The following EMSY variants were observed in gnomAD, a reference collection of about 807,000 sequenced individuals.
EMSY encodes EMSY transcriptional repressor, BRCA2 interacting, also known as BRCA2-interacting transcriptional repressor EMSY.
A neutral mutation model predicts 134.6 loss-of-function variants in EMSY; 26 were observed. The observed-to-expected ratio is 0.19, with a 90% confidence interval of 0.14 to 0.27. The LOEUF (loss-of-function observed/expected upper bound fraction) is 0.27, where lower values mean the gene tolerates loss of function less well. Ranked by LOEUF, EMSY falls within the 10% of genes least tolerant of loss-of-function variation. The pLI, the probability that EMSY is intolerant of heterozygous loss-of-function variation, is 1.00. For synonymous variants in EMSY, 579 were observed against 577.8 expected (o/e 1.00, Z -0.03); for missense variants, 1,305 against 1,611.4 (o/e 0.81, Z 3.26).
chr11:76,539,184 G>A (rs1951339884), intron 16 of EMSY, among the ~76,000 whole-genome samples: 1 of 152,070 alleles, frequency 6.6e-6, no homozygotes, highest in Admixed American at 6.6e-5. Context: ...TTATTACTTT[G>A]AAATTTGAAA....
chr11:76,493,994 G>A (rs972078472), intron 8 of EMSY, among the ~76,000 whole-genome samples: 75 of 152,262 alleles, frequency 4.9e-4, no homozygotes, highest in African/African-American at 1.7e-3. Context: ...TGGTTCTGGT[G>A]TCTCCAAGCT....
At chr11:76,518,858 T>TTG (rs10691630) in intron 11 of EMSY, among the ~76,000 whole-genome samples, 94,344 of 142,840 alleles carry the variant, frequency 0.66, 31,777 homozygotes, top group Non-Finnish European at 0.74. Context: ...ATAGGCTGTC[T>TTG]TGTGTGTGTG....
At chr11:76,454,007 T>TAA (rs1947774430) in intron 4 of EMSY, 1 of 152,154 alleles carries the variant, frequency 6.6e-6, no homozygotes, top group African/African-American at 2.4e-5. Context: ...GATTAAGCCT[T>TAA]AATTGAGTAT....
chr11:76,544,489 C>T (rs374616501), exon 19 of EMSY: 4 of 1,613,990 alleles, frequency 2.5e-6, no homozygotes, highest in Admixed American at 1.7e-5. Flanking sequence ...AGCAGACCAT[C>T]CACCTGCAGG....
chr11:76,512,538 T>C (rs1950313595), intron 9 of EMSY, among the ~76,000 whole-genome samples: 1 of 152,076 alleles, frequency 6.6e-6, no homozygotes, highest in Non-Finnish European at 1.5e-5. Context: ...TTATATTTTA[T>C]TTTCACATTG....
At chr11:76,484,387 A>G (rs931147756) in intron 8 of EMSY, among the ~76,000 whole-genome samples, 1 of 152,214 alleles carries the variant, frequency 6.6e-6, no homozygotes, top group Non-Finnish European at 1.5e-5. Flanking sequence ...AGAAGTCAAG[A>G]AATAACTAAG....
At chr11:76,518,703 A>ATATATATATATTT (rs57143914) in intron 11 of EMSY, among the ~76,000 whole-genome samples, 13 of 130,204 alleles carry the variant, frequency 1.0e-4, no homozygotes, top group African/African-American at 2.3e-4. Context: ...ATATATATAT[A>ATATATATATATTT]TTTTTTTTTT....
chr11:76,475,394 T>C (rs556354076), intron 8 of EMSY, among the ~76,000 whole-genome samples: 2 of 152,352 alleles, frequency 1.3e-5, no homozygotes, highest in East Asian at 3.9e-4. Context: ...AGCTTCTAAT[T>C]TTCATTCTTA....
chr11:76,513,626 A>G, intron 10 of EMSY, 91 bp downstream of exon 11: 1 of 1,391,702 alleles, frequency 7.2e-7, no homozygotes. Context: ...CTTGGGATAT[A>G]GAGATTAATG....
chr11:76,526,097 A>G (rs1950837517), intron 12 of EMSY, among the ~76,000 whole-genome samples: 1 of 152,150 alleles, frequency 6.6e-6, no homozygotes. Flanking sequence ...AAGACTTATA[A>G]TCCCAATTCT....
At chr11:76,472,918 C>A in intron 8 of EMSY, 78 bp downstream of exon 9, 1 of 1,491,260 alleles carries the variant, frequency 6.7e-7, no homozygotes, top group South Asian at 1.2e-5. Context: ...GTATGTTTCT[C>A]TGCTTTGGAT....
At chr11:76,518,705 T>TATA (rs1406438858) in intron 11 of EMSY, among the ~76,000 whole-genome samples, 2,153 of 80,678 alleles carry the variant, frequency 0.027, 23 homozygotes, top group Non-Finnish European at 0.032. Context: ...ATATATATAT[T>TATA]TTTTTTTTAA....
chr11:76,545,865 C>A, exon 20 of EMSY: 1 of 1,614,106 alleles, frequency 6.2e-7, no homozygotes, highest in South Asian at 1.1e-5. Context: ...GCCAGCCTCC[C>A]ACAGTTACAA....
chr11:76,491,379 G>A (rs892970933), intron 8 of EMSY, among the ~76,000 whole-genome samples: 1 of 151,900 alleles, frequency 6.6e-6, no homozygotes, highest in East Asian at 1.9e-4. Flanking sequence ...ACAGGGTCTT[G>A]CTATGTTGAC....
intron 8 of EMSY, among the ~76,000 whole-genome samples, chr11:76,481,573 C>A (rs1040166451): frequency 4.6e-5 from 7 of 152,202 alleles, no homozygotes; most frequent in African/African-American, 1.7e-4. Context: ...GGGGTATCCA[C>A]CATTACTTAG....
intron 14 of EMSY, among the ~76,000 whole-genome samples, chr11:76,529,592 C>A (rs993702858): frequency 4.6e-5 from 7 of 152,032 alleles, no homozygotes; most frequent in Non-Finnish European, 8.8e-5. Context: ...AATACACATG[C>A]AACTCTAGTA....
Position 76,482,769 on chromosome 11 carries a change from C to T in EMSY, c.1108+9929C>T, listed in dbSNP as rs1016515629. ...GGACTATGTGAAAAGACCAAACCTG[C>T]GTTTGATTGGTTTACCTGAAAGTGA... On this transcript the variant is annotated intron_variant, in intron 8 of 20. Coordinates refer to ENST00000334736, the Ensembl canonical transcript of EMSY. Among the ~76,000 whole-genome samples, 4 of 152,230 alleles carry T rather than the reference C, an allele frequency of 2.6e-5. No individual in the cohort carries two copies. In the East Asian group the frequency reaches 5.8e-4, roughly 22 times the overall value.
intron 4 of EMSY, among the ~76,000 whole-genome samples, chr11:76,455,296 A>G (rs1489331254): frequency 6.6e-6 from 1 of 151,866 alleles, no homozygotes; most frequent in Admixed American, 6.6e-5. Context: ...AGGTTTTTCT[A>G]TATTCTTGTT....
intron 15 of EMSY, among the ~76,000 whole-genome samples, chr11:76,537,527 A>AT (rs1413806486): frequency 6.6e-6 from 1 of 152,226 alleles, no homozygotes; most frequent in African/African-American, 2.4e-5. Flanking sequence ...CAAGATAAAA[A>AT]TTCAGTTGTT....
Sources: gnomAD v4.1 joint callset for allele counts (sites outside exome capture counted in the v4.1 genomes callset) on GRCh38, gnomAD v4.1.1 for gene constraint, MANE v1.5 for transcripts, NCBI Gene and HGNC (gene_info 2026-07-23, HGNC 2026-07-21) for gene names.